Variants in UNC5B observed in about 807,000 individuals in gnomAD.
UNC5B encodes unc-5 netrin receptor B.
UNC5B carries 56 observed loss-of-function variants against 103.7 expected under a neutral mutation model. The ratio of observed to expected loss-of-function variants is 0.54; its 90% CI spans 0.44 to 0.67. The LOEUF (loss-of-function observed/expected upper bound fraction) is 0.67. Among genes scored for constraint, UNC5B ranks in the 30% least tolerant of loss-of-function variants. UNC5B has a pLI of 0.00. For missense variants in UNC5B, 1,194 were observed against 1,284.5 expected (o/e 0.93, Z 1.08); for synonymous variants, 577 against 542.0 (o/e 1.06, Z -0.90).
intron 1 of UNC5B, among the ~76,000 whole-genome samples, chr10:71,268,023 G>A (rs1254189620): frequency 3.3e-5 from 5 of 152,176 alleles, no homozygotes; most frequent in Non-Finnish European, 2.9e-5. Flanking sequence ...GCCTCCCCGG[G>A]GCCCATGGAA....
intron 16 of UNC5B, 147 bp downstream of exon 16, chr10:71,298,237 G>C (rs918408163): frequency 3.4e-6 from 3 of 873,928 alleles, no homozygotes; most frequent in Non-Finnish European, 5.1e-6. Flanking sequence ...AGCAACTCAG[G>C]ATTGGATATG....
chr10:71,240,983 G>A (rs771553568), intron 1 of UNC5B, among the ~76,000 whole-genome samples: 1 of 152,222 alleles, frequency 6.6e-6, no homozygotes, highest in Non-Finnish European at 1.5e-5. Flanking sequence ...TAATTTTGTT[G>A]TTGTTGTTGT....
intron 1 of UNC5B, among the ~76,000 whole-genome samples, chr10:71,258,894 G>A (rs10999752): frequency 0.25 from 37,899 of 152,212 alleles, 5,527 homozygotes; most frequent in East Asian, 0.33. Flanking sequence ...TGTCCTCCCC[G>A]CCCAGTGGCC....
rs1027996227 is a variant in UNC5B at position 71,300,602 on chromosome 10, G to A, written c.*1325G>A. ...GCCCAGCAGCCTCTAGAGCAGCGTG[G>A]TGCTCTCTTGATGGCCAGGAATCCA... On this transcript the variant is annotated 3_prime_UTR_variant, in exon 17 of 17. Transcript: ENST00000335350. The A allele has an allele frequency of 9.2e-5, 14 of 152,506 alleles. No homozygotes were observed. The highest frequency in any genetic ancestry group is 2.9e-4 in the African/African-American group (12 of 41,568). The allele number at this position is 152,506 out of a possible 1,614,324, so 9.4% of individuals were successfully genotyped here.
In UNC5B at chr10:71,259,591, C is replaced by T. The variant is rs117157180; in HGVS notation, c.80-20230C>T. On this transcript the variant is annotated intron_variant, in intron 1 of 16. Transcript: ENST00000335350. ...AGACTGTGGGGAGGACTTCAGCCTACACAAGGTCAGCGTGAGTTTACTGAA... is the reference window on the plus strand; with the variant it reads ...AGACTGTGGGGAGGACTTCAGCCTATACAAGGTCAGCGTGAGTTTACTGAA... 8.6e-4 allele frequency among the ~76,000 whole-genome samples: 131 copies of T among 152,328 alleles called. No homozygotes were observed. In the East Asian group the frequency reaches 0.016, roughly 19 times the overall value.
intron 1 of UNC5B, among the ~76,000 whole-genome samples, chr10:71,216,629 T>C (rs1047649900): frequency 6.6e-6 from 1 of 152,212 alleles, no homozygotes; most frequent in South Asian, 2.1e-4. Context: ...TTTTTACTTA[T>C]ATTCAAAGCT....
chr10:71,259,531 G>T (rs940097458), intron 1 of UNC5B, among the ~76,000 whole-genome samples: 1 of 152,246 alleles, frequency 6.6e-6, no homozygotes, highest in Admixed American at 6.5e-5. Context: ...GAGGCTCAGA[G>T]AGGCAAAGTG....
intron 15 of UNC5B, among the ~76,000 whole-genome samples, chr10:71,297,296 T>C (rs1845467177): frequency 6.6e-6 from 1 of 152,220 alleles, no homozygotes; most frequent in Admixed American, 6.5e-5. Context: ...ATGACAGATA[T>C]CATCCCCACC....
At chr10:71,284,377 A>G (rs1845008471) in intron 2 of UNC5B, among the ~76,000 whole-genome samples, 1 of 152,120 alleles carries the variant, frequency 6.6e-6, no homozygotes, top group African/African-American at 2.4e-5. Context: ...TGCAGCTCAG[A>G]GCCACTCCTG....
intron 1 of UNC5B, among the ~76,000 whole-genome samples, chr10:71,247,769 A>G (rs1469590393): frequency 6.6e-6 from 1 of 152,160 alleles, no homozygotes; most frequent in Non-Finnish European, 1.5e-5. Context: ...AGTGAGTTCT[A>G]TAGAAATCAG....
At chr10:71,289,788 G>A (rs1047322254) in intron 8 of UNC5B, among the ~76,000 whole-genome samples, 7 of 152,232 alleles carry the variant, frequency 4.6e-5, no homozygotes, top group Non-Finnish European at 7.3e-5. Context: ...CCTCTGGGGA[G>A]CCCAAGAGTG....
At chr10:71,289,329 C>G (rs1306037107) in intron 8 of UNC5B, among the ~76,000 whole-genome samples, 1 of 152,232 alleles carries the variant, frequency 6.6e-6, no homozygotes, top group Non-Finnish European at 1.5e-5. Flanking sequence ...ATAGCCAAAG[C>G]TGTTGTTCTT....
At chr10:71,250,533 C>G (rs1408186175) in intron 1 of UNC5B, among the ~76,000 whole-genome samples, 1 of 152,188 alleles carries the variant, frequency 6.6e-6, no homozygotes, top group Non-Finnish European at 1.5e-5. Flanking sequence ...CGGTTTATCT[C>G]AGGTGGCTGT....
rs928475223 is a variant in UNC5B, at chr10:71,298,074, A to C, written c.2656A>C (p.Lys886Gln). The C allele has an allele frequency of 6.2e-7, 1 of 1,611,116 alleles. No individual in the cohort carries two copies. Among genetic ancestry groups the C allele is most frequent in the Non-Finnish European group, 8.5e-7 (1 of 1,178,954 alleles). ...CAATGACTGGCGGATGTTAGCACAG[A>C]AGCTCTCTATGGACCGGTGAGTATC... ...RGNDWRMLAQ[K>Q]LSMDRYLNYF... is the part of the protein sequence containing the mutation. The change falls in exon 16 of 17, where the codon AAG (lysine) becomes CAG (glutamine). Residue 886 changes from lysine to glutamine, a missense_variant. Physicochemically the swap from Lys to Gln is moderately conservative, Grantham distance 53 (BLOSUM62 1). Coordinates refer to ENST00000335350, the MANE Select transcript of UNC5B (RefSeq NM_170744.5).
At position 71,296,022 on chromosome 10, in the gene UNC5B, TC is replaced by T. The variant is rs1201472826; in HGVS notation, c.2325+65del. On this transcript the variant is annotated intron_variant, in intron 14 of 16. Coordinates refer to ENST00000335350, the MANE Select transcript of UNC5B (RefSeq NM_170744.5). ...TTAAGGGCTGCCCGGGAAGCCCAGCTCCCTCCCGGGCCCTGCCTCCTAGCTC... is the reference window on the plus strand; with the variant it reads ...TTAAGGGCTGCCCGGGAAGCCCAGCTCCTCCCGGGCCCTGCCTCCTAGCTC... 1.2e-5 allele frequency: 20 copies of T among 1,605,344 alleles called. No individual in the cohort carries two copies. In the South Asian group the frequency reaches 1.7e-4, roughly 13 times the overall value.
At chr10:71,266,374 G>A (rs774972151) in intron 1 of UNC5B, among the ~76,000 whole-genome samples, 105 of 152,210 alleles carry the variant, frequency 6.9e-4, no homozygotes, top group Middle Eastern at 6.8e-3. Context: ...GCCCTCTCAC[G>A]GTGTCCTCAG....
At chr10:71,287,501 C>A in intron 5 of UNC5B, 97 bp from the exon 6 acceptor site, 9 of 1,455,054 alleles carry the variant, frequency 6.2e-6, no homozygotes, top group Non-Finnish European at 7.3e-6. Flanking sequence ...GAAGGCCAGG[C>A]TTCAGCAGAG....
rs1177309006 is a variant in UNC5B, at chr10:71,243,524, G to C, written c.79+30460G>C. Reference sequence around the variant, plus strand: ...GTTTAAACAGCCACATATGGCTAGTGGCCACTGTGTTGGATGGCACAGCTC... The same window carrying C: ...GTTTAAACAGCCACATATGGCTAGTCGCCACTGTGTTGGATGGCACAGCTC... On this transcript the variant is annotated intron_variant, in intron 1 of 16. Transcript: ENST00000335350. Among the ~76,000 whole-genome samples, 4 of 152,206 alleles carry C rather than the reference G, an allele frequency of 2.6e-5. No individual in the cohort carries two copies. The East Asian group carries it at 7.7e-4, about 29-fold the overall frequency.
intron 14 of UNC5B, 28 bp downstream of exon 14, chr10:71,295,988 G>A: frequency 1.2e-6 from 2 of 1,612,062 alleles, no homozygotes; most frequent in Non-Finnish European, 1.7e-6. Context: ...GGATGGGGAG[G>A]GGCACCACTT....
Sources: allele counts gnomAD v4.1 joint callset (sites outside exome capture counted in the v4.1 genomes callset), GRCh38; gene constraint gnomAD v4.1.1; transcripts MANE v1.5; gene names NCBI Gene and HGNC (gene_info 2026-07-23, HGNC 2026-07-21).